Variants in GLCCI1 observed in about 807,000 individuals in gnomAD.
GLCCI1 encodes glucocorticoid induced 1, also known as glucocorticoid-induced transcript 1 protein.
A neutral mutation model predicts 52.2 loss-of-function variants in GLCCI1; 24 were observed. The observed-to-expected ratio is 0.46, with a 90% CI of 0.33 to 0.65. GLCCI1 has a LOEUF of 0.65. GLCCI1 is among the 30% of genes least tolerant of loss of function. The pLI is 0.02. For missense variants in GLCCI1, 704 were observed against 701.5 expected, an observed-to-expected ratio of 1.00 and a Z score of -0.04; for synonymous variants, 310 against 276.5, an observed-to-expected ratio of 1.12 and a Z score of -1.20.
Position 8,078,454 on chromosome 7 carries a change from G to T in GLCCI1, c.1178-6443G>T, listed in dbSNP as rs180699288. Reference sequence around the variant, plus strand: ...ATTCCACACCCTTGTCAGCAATTTTGAATCTGTACCCCTAATAAAAGTTTA... The same window carrying T: ...ATTCCACACCCTTGTCAGCAATTTTTAATCTGTACCCCTAATAAAAGTTTA... On this transcript the variant is annotated intron_variant, in intron 6 of 7. Transcript: ENST00000223145. Among the ~76,000 whole-genome samples, 257 of 152,178 alleles carry T rather than the reference G, an allele frequency of 1.7e-3. 1 individual carries two copies. Among genetic ancestry groups the T allele is most frequent in the Non-Finnish European group, 2.9e-3 (197 of 68,010 alleles).
Position 8,087,927 on chromosome 7 carries a change from T to C in GLCCI1, c.*1389T>C, listed in dbSNP as rs899913455. 1.3e-5 allele frequency: 2 copies of C among 152,592 alleles called. No homozygotes were observed. The highest frequency in any genetic ancestry group is 1.3e-4 in the Admixed American group (2 of 15,282). The allele number at this position is 152,592 out of a possible 1,614,324, so 9.5% of individuals were successfully genotyped here. On this transcript the variant is annotated 3_prime_UTR_variant, in exon 8 of 8. Coordinates refer to ENST00000223145, the MANE Select transcript of GLCCI1 (RefSeq NM_138426.4). ...TGAAGAGAGCCCCAGGCATTCCTGATTGGTCAATGGGAGAGCCTAACTTTC... is the reference window on the plus strand; with the variant it reads ...TGAAGAGAGCCCCAGGCATTCCTGACTGGTCAATGGGAGAGCCTAACTTTC...
chr7:8,070,813 A>G, intron 5 of GLCCI1, 108 bp from the exon 6 acceptor site: 1 of 919,736 alleles, frequency 1.1e-6, no homozygotes. Context: ...TGAAGAATAA[A>G]CTGGGTCAGT....
At chr7:8,056,007 A>AC (rs1187483467) in intron 4 of GLCCI1, among the ~76,000 whole-genome samples, 1 of 140,212 alleles carries the variant, frequency 7.1e-6, no homozygotes, top group Non-Finnish European at 1.5e-5. Flanking sequence ...AAAAAAAAAA[A>AC]CAAAAACCAG....
intron 3 of GLCCI1, among the ~76,000 whole-genome samples, chr7:8,039,932 G>A (rs1445897971): frequency 6.6e-6 from 1 of 150,762 alleles, no homozygotes; most frequent in Non-Finnish European, 1.5e-5. Flanking sequence ...AGGAGGCAGA[G>A]GTTGCAGTGA....
intron 6 of GLCCI1, among the ~76,000 whole-genome samples, chr7:8,075,949 G>A (rs1190224658): frequency 6.6e-6 from 1 of 152,094 alleles, no homozygotes; most frequent in Non-Finnish European, 1.5e-5. Context: ...TTAGTGTTAG[G>A]ACTGAGCCTC....
In GLCCI1 at chr7:7,969,644, C is replaced by T. The variant is rs1334372868; in HGVS notation, c.294C>T (p.Pro98=). 2 of 1,012,764 alleles carry T rather than the reference C, an allele frequency of 2.0e-6. No homozygotes were observed. The highest frequency in any genetic ancestry group is 6.2e-5 in the Admixed American group (1 of 16,218). 62.7% of individuals were successfully genotyped at this position (1,012,764 alleles called of 1,614,324 possible). A position where few individuals can be genotyped will look rare whatever the true frequency, so the allele number is the denominator to read the frequency against. Residue 98 remains proline (P), a synonymous_variant, in exon 1 of 8, where the codon CCC becomes CCT. Transcript: ENST00000223145. The surrounding 1 kb of genome is among the most constrained non-coding windows in gnomAD (Gnocchi z 4.9). ...AAASLGSLPG[P]GAARGPSPSS... The stretch of plus-strand genomic sequence containing the variant: ...CCTCGCTGGGCAGCCTCCCGGGGCC[C>T]GGCGCGGCCCGCGGCCCCAGCCCGT...
chr7:7,999,911 CAAATA>C (rs980038779), intron 1 of GLCCI1, among the ~76,000 whole-genome samples: 35 of 152,216 alleles, frequency 2.3e-4, no homozygotes, highest in African/African-American at 8.4e-4. Context: ...GTAGAAAACA[CAAATA>C]AAATAAACAC....
At chr7:8,071,390 C>T (rs1782758629) in intron 6 of GLCCI1, among the ~76,000 whole-genome samples, 1 of 152,066 alleles carries the variant, frequency 6.6e-6, no homozygotes, top group Non-Finnish European at 1.5e-5. Flanking sequence ...GTGTGTACAA[C>T]TTCATATAAT....
Position 8,069,698 on chromosome 7 carries a change from G to T in GLCCI1, c.967-1223G>T, listed in dbSNP as rs151269826. 4.4e-4 allele frequency among the ~76,000 whole-genome samples: 67 copies of T among 152,290 alleles called. No individual in the cohort carries two copies. The East Asian group carries it at 0.013, about 29-fold the overall frequency. On this transcript the variant is annotated intron_variant, in intron 5 of 7. Transcript: ENST00000223145. ...GGGCAGCAGGGGCAGAACTCTAAAT[G>T]AAGTTTTCATTTGCATAGTTTCAGA...
At chr7:7,999,772 G>C (rs1249315492) in intron 1 of GLCCI1, among the ~76,000 whole-genome samples, 1 of 151,982 alleles carries the variant, frequency 6.6e-6, no homozygotes, top group Non-Finnish European at 1.5e-5. Flanking sequence ...GTGTGGTGAT[G>C]CACACCTGTG....
At chr7:8,039,689 A>G (rs1194017354) in intron 3 of GLCCI1, among the ~76,000 whole-genome samples, 1 of 152,156 alleles carries the variant, frequency 6.6e-6, no homozygotes, top group African/African-American at 2.4e-5. Context: ...TATTTAGGTG[A>G]TGGTTCCACT....
intron 3 of GLCCI1, among the ~76,000 whole-genome samples, chr7:8,026,585 T>C (rs755817847): frequency 3.0e-4 from 45 of 152,396 alleles, no homozygotes; most frequent in Non-Finnish European, 5.1e-4. Flanking sequence ...CTGGCAGCAG[T>C]TGTGCGGAGC....
chr7:7,983,516 A>G (rs1780663882), intron 1 of GLCCI1, among the ~76,000 whole-genome samples: 1 of 152,176 alleles, frequency 6.6e-6, no homozygotes, highest in Non-Finnish European at 1.5e-5. Flanking sequence ...TTTGGTGGAT[A>G]TCTGTGCTTC....
chr7:7,973,413 C>CGTGTGTGTGTGTGT (rs57135358), intron 1 of GLCCI1, among the ~76,000 whole-genome samples: 25,020 of 147,506 alleles, frequency 0.17, 2,656 homozygotes, highest in Middle Eastern at 0.27. Context: ...TCTTTGTGTG[C>CGTGTGTGTGTGTGT]GTGTGTGTGT....
intron 2 of GLCCI1, among the ~76,000 whole-genome samples, chr7:8,010,013 A>T (rs1781233014): frequency 6.6e-6 from 1 of 150,828 alleles, no homozygotes; most frequent in Admixed American, 6.6e-5. Context: ...TAAAAATTGT[A>T]TCTTTAATGG....
chr7:8,048,625 A>T lies in GLCCI1; in HGVS notation c.697-6808A>T, dbSNP rs569062147. 3.3e-5 allele frequency among the ~76,000 whole-genome samples: 5 copies of T among 152,256 alleles called. No homozygotes were observed. The East Asian group carries it at 9.6e-4, about 29-fold the overall frequency. On this transcript the variant is annotated intron_variant, in intron 3 of 7. Transcript: ENST00000223145. ...TCATTTGAGGTAAAGCAGGAAGTAT[A>T]CTGTCTTAGGTATTAGATTTGATTT... is the stretch of plus-strand genomic sequence containing the variant.
intron 1 of GLCCI1, among the ~76,000 whole-genome samples, chr7:7,972,858 T>C (rs1780380492): frequency 6.6e-6 from 1 of 152,188 alleles, no homozygotes; most frequent in Admixed American, 6.5e-5. Context: ...ATAATAGAAA[T>C]ACGTAAATTG....
intron 1 of GLCCI1, among the ~76,000 whole-genome samples, chr7:8,002,319 A>T (rs949196216): frequency 6.6e-6 from 1 of 152,152 alleles, no homozygotes; most frequent in African/African-American, 2.4e-5. Context: ...TATATTCTGA[A>T]AACAAAATAT....
chr7:7,975,889 T>C lies in GLCCI1; in HGVS notation c.457+6082T>C, dbSNP rs142301653. ...TCTTGTGTGTATTCAGAATCGGTAC[T>C]GTCCTCGAATCACTTTGTAGTGAAT... is the stretch of plus-strand genomic sequence containing the variant. On this transcript the variant is annotated intron_variant, in intron 1 of 7. Coordinates refer to ENST00000223145, the MANE Select transcript of GLCCI1 (RefSeq NM_138426.4). 3.8e-4 allele frequency among the ~76,000 whole-genome samples: 58 copies of C among 152,348 alleles called. No individual in the cohort carries two copies. In the East Asian group the frequency reaches 0.011, roughly 28 times the overall value.
Sources: allele counts gnomAD v4.1 joint callset (sites outside exome capture counted in the v4.1 genomes callset), GRCh38; gene constraint gnomAD v4.1.1; non-coding constraint Gnocchi (gnomAD v3.1); transcripts MANE v1.5; gene names NCBI Gene and HGNC (gene_info 2026-07-23, HGNC 2026-07-21).